The following CYP26B1 variants were observed in gnomAD, a reference collection of about 807,000 sequenced individuals.
The protein encoded by CYP26B1 is cytochrome P450 26B1.
Under a neutral mutation model 39.1 loss-of-function variants are expected in CYP26B1, and 8 were observed. The ratio of observed to expected loss-of-function variants is 0.20; its 90% CI spans 0.12 to 0.37. The LOEUF (loss-of-function observed/expected upper bound fraction) is 0.37. CYP26B1 is among the 10% of genes least tolerant of loss of function. CYP26B1 has a pLI of 1.00. For missense variants in CYP26B1, 615 were observed against 707.0 expected (o/e 0.87, Z 1.48); for synonymous variants, 321 against 314.3 (o/e 1.02, Z -0.23).
At chr2:72,138,747 G>A (rs1286341146) in intron 2 of CYP26B1, among the ~76,000 whole-genome samples, 1 of 152,098 alleles carries the variant, frequency 6.6e-6, no homozygotes, top group Non-Finnish European at 1.5e-5. Flanking sequence ...GCTCAGGCAG[G>A]AGGGAGGAGG....
chr2:72,135,195 C>G lies in CYP26B1; in HGVS notation c.654G>C (p.Val218=). The G allele has an allele frequency of 6.2e-7, 1 of 1,614,058 alleles. No individual in the cohort carries two copies. The highest frequency in any genetic ancestry group is 8.5e-7 in the Non-Finnish European group (1 of 1,180,028). ...GHLFEVYQQF[V]DNVFSLPVDL... ...CGACAGGCAGGGAGAAGACATTGTCCACAAACTGCTGGTAGACCTCAAAGA... is the reference window on the plus strand; with the variant it reads ...CGACAGGCAGGGAGAAGACATTGTCGACAAACTGCTGGTAGACCTCAAAGA... The change falls in exon 3 of 6, where the codon GTG becomes GTC. Residue 218 remains valine (V), a synonymous_variant. Transcript: ENST00000001146.
rs1026367709 is a variant in CYP26B1, at chr2:72,142,014, C to T, written c.429+1975G>A. Among the ~76,000 whole-genome samples the T allele has an allele frequency of 5.9e-5, 9 of 152,264 alleles. 1 individual carries two copies. The East Asian group carries it at 1.4e-3, about 23-fold the overall frequency. On this transcript the variant is annotated intron_variant, in intron 2 of 5. Coordinates refer to ENST00000001146, the MANE Select transcript of CYP26B1 (RefSeq NM_019885.4). ...ACCCACCCCCAGGGAGCTAAAAGAC[C>T]GGCTGTTCTGAATAGGGAGCCATCG...
Position 72,132,450 on chromosome 2 carries a change from C to T in CYP26B1, c.1316G>A (p.Arg439Gln), listed in dbSNP as rs2104033346. ...FHYLPFGGGV[R>Q]TCLGKHLAKL... ...GGCCAGGTGCTTGCCCAGGCAGGTC[C>T]GGACACCGCCACCGAACGGGAGGTA... Residue 439 changes from arginine (R) to glutamine (Q), a missense_variant, in exon 6 of 6, where the codon CGG becomes CAG. Arg to Gln is a conservative substitution (Grantham distance 43). Transcript: ENST00000001146. The T allele has an allele frequency of 1.2e-6, 2 of 1,613,394 alleles. No homozygotes were observed. The highest frequency in any genetic ancestry group is 2.2e-5 in the East Asian group (1 of 44,864).
chr2:72,134,980 C>T (rs528492467), intron 3 of CYP26B1, 64 bp from the exon 4 acceptor site: 1 of 1,606,484 alleles, frequency 6.2e-7, no homozygotes, highest in African/African-American at 1.3e-5. Context: ...TCGGGACCAC[C>T]AGGGACGACT....
chr2:72,147,660 T>A lies in CYP26B1; in HGVS notation c.175A>T (p.Ile59Phe), dbSNP rs1441157335. Residue 59 changes from isoleucine to phenylalanine, a missense_variant, in exon 1 of 6, where the codon ATC becomes TTC. Physicochemically the swap from Ile to Phe is conservative, Grantham distance 21 (BLOSUM62 0). Transcript: ENST00000001146. This position sits in a 1 kb window ranked among gnomAD's most constrained non-coding sequence, Gnocchi z 6.1. ...AGCAGCCAGTGGCCGGTCTCTCCGA[T>A]GAGCGGGAAGCCCATGGATCCCTTG... ...IPKGSMGFPL[I>F]GETGHWLLQG... 1 of 1,610,014 alleles carries A rather than the reference T, an allele frequency of 6.2e-7. No homozygotes were observed. The highest frequency in any genetic ancestry group is 8.5e-7 in the Non-Finnish European group (1 of 1,178,790).
chr2:72,140,351 G>A (rs562222366), intron 2 of CYP26B1, among the ~76,000 whole-genome samples: 68 of 152,238 alleles, frequency 4.5e-4, no homozygotes, highest in African/African-American at 1.5e-3. Context: ...CCTGCTACCC[G>A]CCCCCCTCAG....
intron 2 of CYP26B1, among the ~76,000 whole-genome samples, chr2:72,135,801 A>C (rs533996030): frequency 6.6e-6 from 1 of 152,298 alleles, no homozygotes; most frequent in East Asian, 1.9e-4. Flanking sequence ...CTAGACCTCA[A>C]GCAGGACTTC....
At position 72,147,657 on chromosome 2, in the gene CYP26B1, C is replaced by A; in HGVS notation, c.178G>T (p.Gly60Ter). ...TGCAGCAGCCAGTGGCCGGTCTCTC[C>A]GATGAGCGGGAAGCCCATGGATCCC... is the stretch of plus-strand genomic sequence containing the variant. ...PKGSMGFPLI[G>*]ETGHWLLQGS... is the part of the protein sequence containing the mutation. The change falls in exon 1 of 6, where the codon GGA (glycine) becomes TGA (stop). Residue 60 changes from glycine to a stop codon, truncating the protein, a stop_gained. Transcript: ENST00000001146. LOFTEE classifies it high-confidence loss of function. This position sits in a 1 kb window ranked among gnomAD's most constrained non-coding sequence, Gnocchi z 6.1. 6.2e-7 allele frequency: 1 copy of A among 1,609,904 alleles called. No homozygotes were observed.
chr2:72,132,969 T>C, intron 5 of CYP26B1, 54 bp downstream of exon 5: 1 of 1,611,496 alleles, frequency 6.2e-7, no homozygotes, highest in Non-Finnish European at 8.5e-7. Context: ...GCCTTGCCCC[T>C]ATCCCGGTGC....
chr2:72,133,709 T>C (rs1676669404), intron 4 of CYP26B1, among the ~76,000 whole-genome samples: 1 of 152,058 alleles, frequency 6.6e-6, no homozygotes, highest in African/African-American at 2.4e-5. Context: ...GTGTGGGGGA[T>C]GTGAGTCTAA....
chr2:72,133,342 G>T, intron 4 of CYP26B1, 35 bp from the exon 5 acceptor site: 2 of 1,589,082 alleles, frequency 1.3e-6, no homozygotes, highest in Non-Finnish European at 1.7e-6. Flanking sequence ...TGTTGGAGGT[G>T]TGGGTTCAGC....
At chr2:72,138,653 C>T (rs992530349) in intron 2 of CYP26B1, among the ~76,000 whole-genome samples, 1 of 152,168 alleles carries the variant, frequency 6.6e-6, no homozygotes, top group Non-Finnish European at 1.5e-5. Flanking sequence ...GACTCCCCAC[C>T]ACGGCTGGTG....
intron 2 of CYP26B1, among the ~76,000 whole-genome samples, chr2:72,137,901 G>A (rs1485841162): frequency 6.6e-6 from 1 of 152,212 alleles, no homozygotes; most frequent in Non-Finnish European, 1.5e-5. Flanking sequence ...TAAAAGGAAA[G>A]TGAAGGCAGG....
In CYP26B1 at chr2:72,132,625, G is replaced by A. The variant is rs1676626682; in HGVS notation, c.1147-6C>T. The A allele has an allele frequency of 2.5e-6, 4 of 1,596,124 alleles. No individual in the cohort carries two copies. In the Middle Eastern group the frequency reaches 5.0e-4, roughly 198 times the overall value. ...CCTTTGGGGATCTGGAAACCCTGGA[G>A]CAAGATGGGGGCCGAGGAGTGGGTG... On this transcript the variant is annotated splice_region_variant and splice_polypyrimidine_tract_variant and intron_variant, in intron 5 of 5. Coordinates refer to ENST00000001146, the MANE Select transcript of CYP26B1 (RefSeq NM_019885.4).
intron 3 of CYP26B1, 101 bp downstream of exon 3, chr2:72,135,043 G>A: frequency 6.2e-7 from 1 of 1,601,222 alleles, no homozygotes; most frequent in Admixed American, 1.7e-5. Flanking sequence ...CATGTGCCCT[G>A]TGCCTAGGTG....
At chr2:72,141,472 T>G (rs760004498) in intron 2 of CYP26B1, among the ~76,000 whole-genome samples, 12 of 152,138 alleles carry the variant, frequency 7.9e-5, no homozygotes, top group Non-Finnish European at 1.5e-4. Flanking sequence ...CCAGCCCCAA[T>G]GGAAACAGTG....
chr2:72,132,988 C>T (rs1319049986), intron 5 of CYP26B1, 35 bp downstream of exon 5: 1 of 1,612,790 alleles, frequency 6.2e-7, no homozygotes, highest in South Asian at 1.1e-5. Context: ...GCCCCTGCTC[C>T]CCCATCGCCC....
chr2:72,143,815 G>A (rs909195693), intron 2 of CYP26B1, among the ~76,000 whole-genome samples, 174 bp downstream of exon 2: 5 of 152,354 alleles, frequency 3.3e-5, no homozygotes, highest in African/African-American at 9.6e-5. Flanking sequence ...AGAGGAGGCC[G>A]GAGCAGGCCC....
Position 72,130,313 on chromosome 2 carries a change from G to A in CYP26B1, c.*1914C>T, listed in dbSNP as rs921545083. On this transcript the variant is annotated 3_prime_UTR_variant, in exon 6 of 6. Transcript: ENST00000001146. ...TTTACCCATTCTGGCCTGTTTTTCA[G>A]GATTAGGGATGAGCAATTTTGCCAA... 1 of 152,200 alleles carries A rather than the reference G, an allele frequency of 6.6e-6. No homozygotes were observed. Among genetic ancestry groups the A allele is most frequent in the Non-Finnish European group, 1.5e-5 (1 of 68,050 alleles). The allele number at this position is 152,200 out of a possible 1,614,324, so 9.4% of individuals were successfully genotyped here. A position where few individuals can be genotyped will look rare whatever the true frequency, so the allele number is the denominator to read the frequency against.
Sources: gnomAD v4.1 joint callset for allele counts (sites outside exome capture counted in the v4.1 genomes callset) on GRCh38, gnomAD v4.1.1 for gene constraint, Gnocchi (gnomAD v3.1) non-coding constraint, MANE v1.5 for transcripts, NCBI Gene and HGNC (gene_info 2026-07-23, HGNC 2026-07-21) for gene names.